The following FRRS1 variants were observed in gnomAD, a reference collection of about 807,000 sequenced individuals.
FRRS1 encodes ferric chelate reductase 1.
FRRS1 carries 51 observed loss-of-function variants against 70.7 expected under a neutral mutation model. The ratio of observed to expected loss-of-function variants is 0.72; its 90% CI spans 0.58 to 0.91. The LOEUF is 0.91. Ranked by LOEUF, FRRS1 falls within the 40% of genes least tolerant of loss-of-function variation. The pLI is 0.00. For synonymous variants in FRRS1, 225 were observed against 238.7 expected (o/e 0.94, Z 0.53); for missense variants, 672 against 726.0 (o/e 0.93, Z 0.86).
chr1:99,723,470 T>C (rs1239882963), intron 9 of FRRS1, among the ~76,000 whole-genome samples: 2 of 152,066 alleles, frequency 1.3e-5, no homozygotes, highest in Non-Finnish European at 2.9e-5. Flanking sequence ...GAGCAGTGAT[T>C]GCACCACTGC....
At chr1:99,712,603 T>C in intron 12 of FRRS1, 88 bp from the exon 13 acceptor site, 1 of 657,814 alleles carries the variant, frequency 1.5e-6, no homozygotes, top group Middle Eastern at 2.5e-4. Context: ...AGATGTATTC[T>C]TAGTATTTTT....
chr1:99,717,295 C>A, intron 11 of FRRS1, 115 bp downstream of exon 11: 1 of 735,794 alleles, frequency 1.4e-6, no homozygotes, highest in Non-Finnish European at 2.4e-6. Flanking sequence ...AGGAGGATCC[C>A]AAACCTACAA....
intron 15 of FRRS1, 72 bp downstream of exon 15, chr1:99,710,734 C>G: frequency 7.5e-7 from 1 of 1,336,774 alleles, no homozygotes; most frequent in Non-Finnish European, 1.0e-6. Context: ...CCATTACTAT[C>G]GGGAAGCGCA....
At chr1:99,740,197 T>C (rs1655882680) in intron 6 of FRRS1, among the ~76,000 whole-genome samples, 1 of 150,522 alleles carries the variant, frequency 6.6e-6, no homozygotes, top group African/African-American at 2.4e-5. Flanking sequence ...TCTTTTGATA[T>C]CTGGCTGTGT....
intron 7 of FRRS1, among the ~76,000 whole-genome samples, chr1:99,730,130 T>C (rs895628507): frequency 6.6e-6 from 1 of 152,206 alleles, no homozygotes; most frequent in African/African-American, 2.4e-5. Flanking sequence ...TGTTACCTTT[T>C]TTCAATTAAC....
chr1:99,717,049 C>T (rs1328555616), intron 11 of FRRS1, among the ~76,000 whole-genome samples: 1 of 152,164 alleles, frequency 6.6e-6, no homozygotes, highest in Non-Finnish European at 1.5e-5. Context: ...CTCTGCATTC[C>T]TTGGCCTGAC....
At position 99,707,099 on chromosome 1, in the gene FRRS1, G is replaced by A. The variant is rs1654056422; in HGVS notation, c.*1929C>T. On this transcript the variant is annotated 3_prime_UTR_variant, in exon 17 of 17. Coordinates refer to ENST00000646001, the MANE Select transcript of FRRS1 (RefSeq NM_001361041.2). The stretch of plus-strand genomic sequence containing the variant: ...ATGGCACATATAGAATATGAACACA[G>A]AAAGTTCATATCTAAGCCCTAAGCC... Among the ~76,000 whole-genome samples, 2 of 151,952 alleles carry A rather than the reference G, an allele frequency of 1.3e-5. No individual in the cohort carries two copies. The highest frequency in any genetic ancestry group is 2.9e-5 in the Non-Finnish European group (2 of 67,984).
chr1:99,722,923 C>T (rs762821994), intron 9 of FRRS1, among the ~76,000 whole-genome samples: 1 of 151,970 alleles, frequency 6.6e-6, no homozygotes, highest in Non-Finnish European at 1.5e-5. Flanking sequence ...CTAGAAAAAT[C>T]CAAGATAATC....
chr1:99,748,797 T>C, intron 2 of FRRS1, 29 bp from the exon 3 acceptor site: 1 of 1,532,122 alleles, frequency 6.5e-7, no homozygotes, highest in Admixed American at 1.9e-5. Flanking sequence ...AGCCCATTAT[T>C]GTCATATATA....
At chr1:99,712,373 G>T (rs762988718) in intron 13 of FRRS1, 45 bp downstream of exon 13, 2 of 1,310,644 alleles carry the variant, frequency 1.5e-6, no homozygotes, top group African/African-American at 3.0e-5. Flanking sequence ...GCCAACTAAT[G>T]ATATCTACAT....
At chr1:99,753,194 T>C (rs1656656298) in intron 1 of FRRS1, among the ~76,000 whole-genome samples, 1 of 133,486 alleles carries the variant, frequency 7.5e-6, no homozygotes, top group Non-Finnish European at 1.6e-5. Flanking sequence ...GCCTGGATAA[T>C]AAAGCAAGAC....
intron 11 of FRRS1, among the ~76,000 whole-genome samples, chr1:99,716,518 C>T (rs1271284448): frequency 6.6e-6 from 1 of 152,092 alleles, no homozygotes; most frequent in African/African-American, 2.4e-5. Flanking sequence ...AAACCACAGG[C>T]AGAGAAAGAA....
At chr1:99,730,004 T>C (rs1341989731) in intron 7 of FRRS1, among the ~76,000 whole-genome samples, 1 of 152,240 alleles carries the variant, frequency 6.6e-6, no homozygotes, top group Non-Finnish European at 1.5e-5. Context: ...AACATGTTTA[T>C]ATGTTCATAA....
At chr1:99,718,984 G>A (rs1217841285) in intron 10 of FRRS1, among the ~76,000 whole-genome samples, 1 of 151,866 alleles carries the variant, frequency 6.6e-6, no homozygotes, top group Non-Finnish European at 1.5e-5. Flanking sequence ...TGTAGCCAAG[G>A]TTAAAACCAC....
chr1:99,763,510 A>T (rs1204707791), intron 1 of FRRS1, among the ~76,000 whole-genome samples: 2 of 152,190 alleles, frequency 1.3e-5, no homozygotes, highest in Non-Finnish European at 2.9e-5. Context: ...ACATTTTTAG[A>T]TGTTAACAAT....
At chr1:99,737,337 A>C (rs936954012) in intron 7 of FRRS1, among the ~76,000 whole-genome samples, 23 of 152,184 alleles carry the variant, frequency 1.5e-4, no homozygotes, top group African/African-American at 5.6e-4. Context: ...CTGCCTGGAT[A>C]TACAAGTTTA....
intron 9 of FRRS1, among the ~76,000 whole-genome samples, chr1:99,724,048 A>T (rs1483898517): frequency 6.6e-6 from 1 of 152,256 alleles, no homozygotes; most frequent in Non-Finnish European, 1.5e-5. Context: ...TAGTTATGAA[A>T]AAGAGACTCC....
At chr1:99,752,960 C>T (rs1656643854) in intron 1 of FRRS1, among the ~76,000 whole-genome samples, 2 of 152,048 alleles carry the variant, frequency 1.3e-5, no homozygotes, top group African/African-American at 2.4e-5. Flanking sequence ...ACCCTATTAT[C>T]CCAACACTTT....
intron 1 of FRRS1, among the ~76,000 whole-genome samples, chr1:99,762,248 T>C (rs1657141675): frequency 6.6e-6 from 1 of 152,208 alleles, no homozygotes; most frequent in African/African-American, 2.4e-5. Context: ...GGGACTGCTC[T>C]CTCCACAGAA....
Sources: gnomAD v4.1 joint callset for allele counts (sites outside exome capture counted in the v4.1 genomes callset) on GRCh38, gnomAD v4.1.1 for gene constraint, MANE v1.5 for transcripts, NCBI Gene and HGNC (gene_info 2026-07-23, HGNC 2026-07-21) for gene names.